The following PIK3R3 variants were observed in gnomAD, a reference collection of about 807,000 sequenced individuals.
PIK3R3 encodes phosphoinositide-3-kinase regulatory subunit 3.
Under a neutral mutation model 62.9 loss-of-function variants are expected in PIK3R3, and 64 were observed. The ratio of observed to expected loss-of-function variants is 1.02; its 90% CI spans 0.83 to 1.25. The LOEUF is 1.25. Among genes scored for constraint, PIK3R3 ranks in the 50% most tolerant of loss-of-function variants. The pLI, the probability that PIK3R3 is intolerant of heterozygous loss-of-function variation, is 0.00. For missense variants in PIK3R3, 614 were observed against 561.6 expected (o/e 1.09, Z -0.94); for synonymous variants, 165 against 189.0 (o/e 0.87, Z 1.04).
At chr1:46,163,685 C>T in the PIK3R3 span, among the ~76,000 whole-genome samples, 1 of 152,144 alleles carries the variant, frequency 6.6e-6, no homozygotes, top group Admixed American at 6.5e-5. Context: ...GAACCATGGC[C>T]CTGGTGCTTT....
the PIK3R3 span, among the ~76,000 whole-genome samples, chr1:46,147,600 T>C: frequency 1.3e-5 from 2 of 152,038 alleles, no homozygotes; most frequent in Admixed American, 1.3e-4. Flanking sequence ...TTTGTATTTT[T>C]AGTAGAGACG....
chr1:46,101,407 G>A lies in PIK3R3; in HGVS notation c.107-20657C>T, dbSNP rs776747497. On this transcript the variant is annotated intron_variant, in intron 1 of 9. Coordinates refer to ENST00000262741, the MANE Select transcript of PIK3R3 (RefSeq NM_003629.4). ...GCTACTCGGGAGGCTGAGGGAGGCT[G>A]AGGCAGGAGAATCGCTTGAACCTGG... 7.3e-4 allele frequency among the ~76,000 whole-genome samples: 111 copies of A among 151,906 alleles called. 1 individual carries two copies. The highest frequency in any genetic ancestry group is 7.5e-4 in the Non-Finnish European group (51 of 67,980).
the PIK3R3 span, among the ~76,000 whole-genome samples, chr1:46,147,007 G>A: frequency 6.6e-6 from 1 of 152,158 alleles, no homozygotes; most frequent in Non-Finnish European, 1.5e-5. Context: ...AAACAAATGG[G>A]CAGGGACTGG....
intron 1 of PIK3R3, among the ~76,000 whole-genome samples, chr1:46,113,420 A>G (rs1194172365): frequency 6.6e-6 from 1 of 151,540 alleles, no homozygotes; most frequent in Non-Finnish European, 1.5e-5. Context: ...CAGCCTCCCA[A>G]GTAGCTGGGA....
the PIK3R3 span, among the ~76,000 whole-genome samples, chr1:46,158,506 C>G: frequency 1.3e-5 from 2 of 152,348 alleles, no homozygotes; most frequent in South Asian, 2.1e-4. Flanking sequence ...ACTCCTAGAG[C>G]ACTGCACTTG....
intron 1 of PIK3R3, among the ~76,000 whole-genome samples, chr1:46,087,136 G>A (rs191944496): frequency 8.5e-5 from 13 of 152,316 alleles, no homozygotes; most frequent in Non-Finnish European, 1.8e-4. Context: ...GAATGGTGGA[G>A]GGATAGCATT....
At chr1:46,085,827 A>G (rs1364933504) in intron 1 of PIK3R3, among the ~76,000 whole-genome samples, 1 of 152,228 alleles carries the variant, frequency 6.6e-6, no homozygotes, top group Non-Finnish European at 1.5e-5. Flanking sequence ...TCCATAAAAT[A>G]TATAGCACTT....
chr1:46,163,821 C>T, the PIK3R3 span, among the ~76,000 whole-genome samples: 4 of 152,222 alleles, frequency 2.6e-5, no homozygotes, highest in African/African-American at 9.6e-5. Context: ...GTTTCCTCAG[C>T]TGTAAAATAG....
chr1:46,052,133 A>T (rs1374752974), intron 7 of PIK3R3, among the ~76,000 whole-genome samples: 1 of 151,782 alleles, frequency 6.6e-6, no homozygotes, highest in African/African-American at 2.4e-5. Flanking sequence ...GTGAGACTCC[A>T]TCTCAAAAAA....
chr1:46,043,962 G>T, intron 9 of PIK3R3, 91 bp from the exon 10 acceptor site: 2 of 1,101,904 alleles, frequency 1.8e-6, no homozygotes, highest in Non-Finnish European at 1.3e-6. Flanking sequence ...CAATTGTTAT[G>T]CAAACAAGTG....
intron 3 of PIK3R3, among the ~76,000 whole-genome samples, chr1:46,075,716 G>C (rs1290972661): frequency 6.6e-6 from 1 of 152,172 alleles, no homozygotes; most frequent in Non-Finnish European, 1.5e-5. Context: ...ATAGGAGAGA[G>C]ACAAAGATAA....
rs1647010034 is a variant in PIK3R3, at chr1:46,042,226, C to A, written c.*1447G>T. 2 of 225,988 alleles carry A rather than the reference C, an allele frequency of 8.9e-6. No individual in the cohort carries two copies. The highest frequency in any genetic ancestry group is 1.1e-4 in the Admixed American group (2 of 17,544). 14.0% of individuals were successfully genotyped at this position (225,988 alleles called of 1,614,324 possible). Reference sequence around the variant, plus strand: ...TGCCCCCACTCCATTTGCCTAGCTTCACTCAGCTGGAAGGCTTAAGCCACA... The same window carrying A: ...TGCCCCCACTCCATTTGCCTAGCTTAACTCAGCTGGAAGGCTTAAGCCACA... On this transcript the variant is annotated 3_prime_UTR_variant, in exon 10 of 10. Coordinates refer to ENST00000262741, the MANE Select transcript of PIK3R3 (RefSeq NM_003629.4). This position sits in a 1 kb window ranked among gnomAD's most constrained non-coding sequence, Gnocchi z 4.3.
At chr1:46,138,937 T>C in the PIK3R3 span, 1 of 152,252 alleles carries the variant, frequency 6.6e-6, no homozygotes, top group Non-Finnish European at 1.5e-5. Context: ...AGATCACTAC[T>C]ATTCTCCAAA....
In PIK3R3 at chr1:46,131,903, T is replaced by G; in HGVS notation, c.50A>C (p.Glu17Ala). 1.2e-6 allele frequency: 2 copies of G among 1,613,342 alleles called. No homozygotes were observed. Among genetic ancestry groups the G allele is most frequent in the Non-Finnish European group, 1.7e-6 (2 of 1,179,540 alleles). ...TTCTGTCGAATAGGGCATCATCACC[T>G]CCCTCCAGTCTGCGTCATCGCGGTC... The part of the protein sequence containing the change: ...SMDRDDADWR[E>A]VMMPYSTELI... Residue 17 changes from glutamate (E) to alanine (A), a missense_variant, in exon 1 of 10, where the codon GAG (glutamate) becomes GCG (alanine). By Grantham distance (107) the Glu-to-Ala change is moderately radical. Coordinates refer to ENST00000262741, the MANE Select transcript of PIK3R3 (RefSeq NM_003629.4).
intron 1 of PIK3R3, among the ~76,000 whole-genome samples, chr1:46,103,191 T>G (rs1652873647): frequency 6.6e-6 from 1 of 152,206 alleles, no homozygotes; most frequent in Non-Finnish European, 1.5e-5. Flanking sequence ...CACTGTTTAA[T>G]GGGTACAGAG....
At chr1:46,138,952 A>G in the PIK3R3 span, 1 of 152,240 alleles carries the variant, frequency 6.6e-6, no homozygotes, top group African/African-American at 2.4e-5. Flanking sequence ...TCCAAACTTC[A>G]TTCGGGACCC....
chr1:46,078,885 T>C (rs1336265669), intron 2 of PIK3R3, among the ~76,000 whole-genome samples: 1 of 152,134 alleles, frequency 6.6e-6, no homozygotes, highest in African/African-American at 2.4e-5. Context: ...AAAGTACAAT[T>C]ATTATATGAT....
intron 3 of PIK3R3, among the ~76,000 whole-genome samples, chr1:46,071,079 C>G (rs933199023): frequency 6.6e-6 from 1 of 151,924 alleles, no homozygotes. Context: ...AGACTCTGTC[C>G]CCTTCCTTTA....
chr1:46,102,434 T>G, intron 1 of PIK3R3, among the ~76,000 whole-genome samples: 1 of 152,218 alleles, frequency 6.6e-6, no homozygotes, highest in East Asian at 1.9e-4. Context: ...TTCATATATA[T>G]CAGCAAATTA....
Sources: allele counts gnomAD v4.1 joint callset (sites outside exome capture counted in the v4.1 genomes callset), GRCh38; gene constraint gnomAD v4.1.1; non-coding constraint Gnocchi (gnomAD v3.1); transcripts MANE v1.5; gene names NCBI Gene and HGNC (gene_info 2026-07-23, HGNC 2026-07-21).